The following LHFPL6 variants were observed in gnomAD, a reference collection of about 807,000 sequenced individuals.
LHFPL6 encodes LHFPL tetraspan subfamily member 6.
LHFPL6 carries 9 observed loss-of-function variants against 20.6 expected under a neutral mutation model. The ratio of observed to expected loss-of-function variants is 0.44; its 90% CI spans 0.26 to 0.76. The LOEUF (loss-of-function observed/expected upper bound fraction) is 0.76. LHFPL6 is among the 30% of genes least tolerant of loss of function. LHFPL6 has a pLI of 0.20. For synonymous variants in LHFPL6, 105 were observed against 98.7 expected, an observed-to-expected ratio of 1.06 and a Z score of -0.38; for missense variants, 218 against 253.5, an observed-to-expected ratio of 0.86 and a Z score of 0.95.
At chr13:39,504,545 T>C (rs1421348654) in intron 2 of LHFPL6, among the ~76,000 whole-genome samples, 1 of 152,144 alleles carries the variant, frequency 6.6e-6, no homozygotes, top group East Asian at 1.9e-4. Context: ...CGGAGGCCTC[T>C]CTCCTTGGCT....
chr13:39,373,267 A>G (rs1248642891), intron 3 of LHFPL6, among the ~76,000 whole-genome samples: 2 of 152,178 alleles, frequency 1.3e-5, no homozygotes, highest in Non-Finnish European at 2.9e-5. Context: ...ACTGCTCCAC[A>G]GACTGGTTTC....
chr13:39,402,186 A>G (rs1004692811), intron 2 of LHFPL6, among the ~76,000 whole-genome samples: 5 of 152,200 alleles, frequency 3.3e-5, no homozygotes, highest in African/African-American at 1.2e-4. Context: ...AATGTAAGTT[A>G]ATTTCATGTT....
intron 2 of LHFPL6, among the ~76,000 whole-genome samples, chr13:39,543,658 A>G (rs1260418879): frequency 6.6e-6 from 1 of 152,176 alleles, no homozygotes; most frequent in Non-Finnish European, 1.5e-5. Flanking sequence ...AGAAAAGAGT[A>G]TCTACAAGAA....
chr13:39,494,464 C>T (rs964485421), intron 2 of LHFPL6, among the ~76,000 whole-genome samples: 9 of 152,162 alleles, frequency 5.9e-5, no homozygotes, highest in Non-Finnish European at 1.2e-4. Flanking sequence ...GGGATTCCAC[C>T]TTGGCAGCCT....
chr13:39,383,207 C>T (rs564741529), intron 2 of LHFPL6, among the ~76,000 whole-genome samples: 1 of 152,158 alleles, frequency 6.6e-6, no homozygotes. Flanking sequence ...ATCATATAGT[C>T]ATTGTAACAA....
chr13:39,397,019 T>C (rs1457664630), intron 2 of LHFPL6, among the ~76,000 whole-genome samples: 3 of 152,144 alleles, frequency 2.0e-5, no homozygotes, highest in Non-Finnish European at 4.4e-5. Flanking sequence ...TGAGAGAGAA[T>C]AGATTTCTGT....
At chr13:39,587,237 T>A (rs1872477092) in intron 2 of LHFPL6, among the ~76,000 whole-genome samples, 1 of 152,040 alleles carries the variant, frequency 6.6e-6, no homozygotes, top group South Asian at 2.1e-4. Context: ...TCCACGTTAG[T>A]CCCTATCACA....
At chr13:39,422,300 G>A (rs543238814) in intron 2 of LHFPL6, among the ~76,000 whole-genome samples, 1 of 152,048 alleles carries the variant, frequency 6.6e-6, no homozygotes, top group Non-Finnish European at 1.5e-5. Flanking sequence ...TGCAGTTAAC[G>A]TCAAGAAGAA....
chr13:39,518,851 C>A (rs2138483289), intron 2 of LHFPL6, among the ~76,000 whole-genome samples: 1 of 152,268 alleles, frequency 6.6e-6, no homozygotes, highest in South Asian at 2.1e-4. Context: ...TGAAGTTGGA[C>A]AATTAATGGG....
chr13:39,436,624 T>A (rs1330812585), intron 2 of LHFPL6, among the ~76,000 whole-genome samples: 2 of 152,220 alleles, frequency 1.3e-5, no homozygotes, highest in African/African-American at 4.8e-5. Context: ...CTATACTACC[T>A]TATAAAACAA....
At chr13:39,571,363 C>T (rs1162136185) in intron 2 of LHFPL6, among the ~76,000 whole-genome samples, 1 of 152,206 alleles carries the variant, frequency 6.6e-6, no homozygotes, top group African/African-American at 2.4e-5. Context: ...TGGTCTTCTA[C>T]ACCGTCATAT....
At chr13:39,590,745 C>T (rs1872569211) in intron 2 of LHFPL6, among the ~76,000 whole-genome samples, 1 of 152,158 alleles carries the variant, frequency 6.6e-6, no homozygotes, top group Non-Finnish European at 1.5e-5. Context: ...ATGTAAAGAT[C>T]TCTTGAGTGT....
chr13:39,549,018 CA>C (rs1871066526), intron 2 of LHFPL6, among the ~76,000 whole-genome samples: 1 of 152,030 alleles, frequency 6.6e-6, no homozygotes, highest in African/African-American at 2.4e-5. Context: ...CATGTCTTAT[CA>C]AGTAACATAT....
At chr13:39,476,226 C>T (rs1459775029) in intron 2 of LHFPL6, among the ~76,000 whole-genome samples, 1 of 152,166 alleles carries the variant, frequency 6.6e-6, no homozygotes, top group Non-Finnish European at 1.5e-5. Flanking sequence ...GACTGTGTCT[C>T]GCTATGTTAC....
intron 2 of LHFPL6, among the ~76,000 whole-genome samples, chr13:39,528,620 TA>T (rs900626320): frequency 6.6e-6 from 1 of 152,214 alleles, no homozygotes; most frequent in Non-Finnish European, 1.5e-5. Flanking sequence ...TCTATGATAC[TA>T]AAAATGATTT....
At chr13:39,431,379 G>A (rs995030754) in intron 2 of LHFPL6, among the ~76,000 whole-genome samples, 13 of 152,078 alleles carry the variant, frequency 8.5e-5, no homozygotes, top group Non-Finnish European at 1.0e-4. Flanking sequence ...AACACTCACC[G>A]CCAGGGTCCA....
chr13:39,479,106 T>C (rs1868412474), intron 2 of LHFPL6, among the ~76,000 whole-genome samples: 1 of 138,538 alleles, frequency 7.2e-6, no homozygotes, highest in Admixed American at 7.8e-5. Flanking sequence ...GATCTCTACC[T>C]ATCTATCCAT....
rs539568386 is a variant in LHFPL6 at position 39,578,403 on chromosome 13, T to C, written c.385+22429A>G. Among the ~76,000 whole-genome samples the C allele has an allele frequency of 1.8e-4, 28 of 152,314 alleles. 1 individual carries two copies. Among genetic ancestry groups the C allele is most frequent in the African/African-American group, 6.5e-4 (27 of 41,570 alleles). On this transcript the variant is annotated intron_variant, in intron 2 of 3. Coordinates refer to ENST00000379589, the MANE Select transcript of LHFPL6 (RefSeq NM_005780.3). Reference sequence around the variant, plus strand: ...GATATAAGAAAATCGTCTTTTGAAATTAACTTGACCAGAGATATATACATT... The same window carrying C: ...GATATAAGAAAATCGTCTTTTGAAACTAACTTGACCAGAGATATATACATT...
intron 2 of LHFPL6, among the ~76,000 whole-genome samples, chr13:39,528,887 C>A (rs1183039558): frequency 2.0e-5 from 3 of 152,106 alleles, no homozygotes; most frequent in Admixed American, 6.5e-5. Context: ...TGCTTAGACA[C>A]TTTCGAAGGA....
Sources: gnomAD v4.1 joint callset for allele counts (sites outside exome capture counted in the v4.1 genomes callset) on GRCh38, gnomAD v4.1.1 for gene constraint, MANE v1.5 for transcripts, NCBI Gene and HGNC (gene_info 2026-07-23, HGNC 2026-07-21) for gene names.